Variants in COL5A1 observed in about 807,000 individuals in gnomAD.
COL5A1 encodes the protein collagen type V alpha 1 chain, also known as collagen alpha-1(V) chain.
In COL5A1, 16 loss-of-function variants were observed where a neutral mutation model predicts 263.7. That is an observed-to-expected ratio of 0.06 (90% confidence interval 0.04 to 0.09). The LOEUF (loss-of-function observed/expected upper bound fraction) is 0.09, where lower values mean the gene tolerates loss of function less well. Ranked by LOEUF, COL5A1 falls within the 10% of genes least tolerant of loss-of-function variation. The pLI is 1.00. For synonymous variants in COL5A1, 1,012 were observed against 1,004.5 expected, an observed-to-expected ratio of 1.01 and a Z score of -0.14; for missense variants, 2,036 against 2,540.5, an observed-to-expected ratio of 0.80 and a Z score of 4.27.
chr9:134,730,604 AC>A, intron 7 of COL5A1, 129 bp downstream of exon 7: 1 of 1,328,376 alleles, frequency 7.5e-7, no homozygotes, highest in Non-Finnish European at 1.1e-6. Context: ...CCTGTGTTCC[AC>A]CACACCCTGG....
intron 20 of COL5A1, among the ~76,000 whole-genome samples, 169 bp downstream of exon 20, chr9:134,763,906 C>A (rs1240167701): frequency 2.0e-5 from 3 of 151,668 alleles, no homozygotes; most frequent in African/African-American, 7.3e-5. Flanking sequence ...AGAGAGGAGG[C>A]ACAGGCGAGG....
chr9:134,662,430 T>C (rs569175227), intron 1 of COL5A1, among the ~76,000 whole-genome samples: 35 of 152,268 alleles, frequency 2.3e-4, no homozygotes, highest in Non-Finnish European at 4.0e-4. Context: ...TGGGAAGCTC[T>C]GAAGCCTGTG....
At position 134,801,968 on chromosome 9, in the gene COL5A1, G is replaced by A. The variant is rs1838131061; in HGVS notation, c.2967G>A (p.Lys989=). ...GQRGETGFQG[K]TGPPGPPGVV... is the part of the protein sequence containing the mutation. ...TCTCTTCACAGGGTTTCCAAGGCAA[G>A]ACCGGCCCTCCAGGCCCCCCCGGCG... Residue 989 remains lysine (K), a synonymous_variant, in exon 38 of 66, where the codon AAG becomes AAA. Coordinates refer to ENST00000371817, the MANE Select transcript of COL5A1 (RefSeq NM_000093.5). The A allele has an allele frequency of 1.2e-6, 2 of 1,613,276 alleles. No individual in the cohort carries two copies. The highest frequency in any genetic ancestry group is 3.3e-5 in the Admixed American group (2 of 60,008).
chr9:134,836,792 G>A (rs1281333801), intron 65 of COL5A1, among the ~76,000 whole-genome samples: 1 of 152,222 alleles, frequency 6.6e-6, no homozygotes, highest in East Asian at 1.9e-4. Flanking sequence ...TGTCTCCCAG[G>A]GCCATCCCGC....
intron 4 of COL5A1, among the ~76,000 whole-genome samples, chr9:134,708,022 C>A (rs1297847547): frequency 2.6e-5 from 4 of 152,218 alleles, no homozygotes; most frequent in Non-Finnish European, 5.9e-5. Context: ...CCTCGCCAGA[C>A]CTTCCCTGGG....
Position 134,700,009 on chromosome 9 carries a change from G to T in COL5A1, c.378G>T (p.Gln126His), listed in dbSNP as rs145178917. 1.7e-3 allele frequency: 2,756 copies of T among 1,613,802 alleles called. 22 individuals carry two copies. The East Asian group carries it at 0.034, about 20-fold the overall frequency. ...LVSIYNEQGI[Q>H]QIGLELGRSP... ...CCATCTACAACGAGCAGGGTATCCA[G>T]CAGATTGGGCTGGAGCTGGGCCGCT... The change falls in exon 3 of 66, where the codon CAG (glutamine) becomes CAT (histidine). Residue 126 changes from glutamine (Q) to histidine (H), a missense_variant. Around this residue, in one of 3 missense-constraint regions of COL5A1, gnomAD observed 600 missense variants for 634.5 expected, o/e 0.95. Coordinates refer to ENST00000371817, the MANE Select transcript of COL5A1 (RefSeq NM_000093.5). The surrounding 1 kb of genome is among the most constrained non-coding windows in gnomAD (Gnocchi z 4.0).
intron 32 of COL5A1, among the ~76,000 whole-genome samples, chr9:134,791,417 C>T (rs1357636370): frequency 6.6e-6 from 1 of 152,238 alleles, no homozygotes; most frequent in Non-Finnish European, 1.5e-5. Context: ...TGAGCACAGC[C>T]TTTGCCCGCA....
At chr9:134,688,424 C>T (rs932322788) in intron 1 of COL5A1, among the ~76,000 whole-genome samples, 2 of 152,248 alleles carry the variant, frequency 1.3e-5, no homozygotes, top group Non-Finnish European at 2.9e-5. Flanking sequence ...CTGGCGCATC[C>T]TCTCTTTCCA....
chr9:134,782,015 T>A (rs6537949), intron 28 of COL5A1, among the ~76,000 whole-genome samples: 7 of 152,252 alleles, frequency 4.6e-5, no homozygotes, highest in African/African-American at 1.4e-4. Context: ...TGCCCTCTGC[T>A]GAAGGATCTG....
intron 25 of COL5A1, among the ~76,000 whole-genome samples, 174 bp from the exon 26 acceptor site, chr9:134,772,616 G>A (rs1165839443): frequency 2.6e-5 from 4 of 152,368 alleles, no homozygotes; most frequent in East Asian, 1.9e-4. Context: ...GCTCGGGGAG[G>A]CCGGGCTGTG....
intron 61 of COL5A1, 33 bp from the exon 62 acceptor site, chr9:134,824,567 A>G (rs1376974893): frequency 2.4e-5 from 38 of 1,612,494 alleles, no homozygotes; most frequent in Non-Finnish European, 3.2e-5. Context: ...CCCATCCTCC[A>G]TCACCCACCG....
chr9:134,706,888 G>A (rs1459522575), intron 4 of COL5A1, among the ~76,000 whole-genome samples: 3 of 152,218 alleles, frequency 2.0e-5, no homozygotes, highest in Non-Finnish European at 2.9e-5. Context: ...TGTCCCTCCC[G>A]TGTGTGACAG....
rs1373226260 is a variant in COL5A1, at chr9:134,783,654, C to T, written c.2484+934C>T. 3.4e-4 allele frequency among the ~76,000 whole-genome samples: 52 copies of T among 152,160 alleles called. 1 individual carries two copies. Among genetic ancestry groups the T allele is most frequent in the Admixed American group, 3.4e-3 (52 of 15,286 alleles). On this transcript the variant is annotated intron_variant, in intron 29 of 65. Coordinates refer to ENST00000371817, the MANE Select transcript of COL5A1 (RefSeq NM_000093.5). ...CAGTCATCCCCCTGCAGCACCGGCT[C>T]GCAGGTGGCTTTCCAGAACAGGAAA...
intron 18 of COL5A1, among the ~76,000 whole-genome samples, chr9:134,759,543 G>A (rs1331816769): frequency 5.7e-5 from 6 of 104,994 alleles, no homozygotes; most frequent in East Asian, 3.8e-4. Context: ...CCACACATGC[G>A]CACACACACT....
intron 9 of COL5A1, 73 bp from the exon 10 acceptor site, chr9:134,738,401 T>C: frequency 6.4e-7 from 1 of 1,558,040 alleles, no homozygotes. Context: ...CTGAAGGCCG[T>C]CCACACCACT....
Position 134,754,235 on chromosome 9 carries a change from G to A in COL5A1, c.1774-38G>A, listed in dbSNP as rs375554729. On this transcript the variant is annotated intron_variant, in intron 15 of 65. Transcript: ENST00000371817. The surrounding 1 kb of genome is among the most constrained non-coding windows in gnomAD (Gnocchi z 4.3). ...CTTTGCTCTTTCTCCTGAGAAAGGC[G>A]GACTCGCCACTGACCCTTTGTCTCT... 3.9e-5 allele frequency: 62 copies of A among 1,607,358 alleles called. No individual in the cohort carries two copies. In the African/African-American group the frequency reaches 5.5e-4, roughly 14 times the overall value.
rs542430735 is a variant in COL5A1, at chr9:134,742,303, C to T, written c.1494+3495C>T. ...GTGGGGCCTGCCTTAAGAAACTCAC[C>T]GTCCAGTGAGGAAGAAAAGGCACAG... is the stretch of plus-strand genomic sequence containing the variant. On this transcript the variant is annotated intron_variant, in intron 11 of 65. Coordinates refer to ENST00000371817, the MANE Select transcript of COL5A1 (RefSeq NM_000093.5). The surrounding 1 kb of genome is among the most constrained non-coding windows in gnomAD (Gnocchi z 4.6). Among the ~76,000 whole-genome samples the T allele has an allele frequency of 6.6e-5, 10 of 151,552 alleles. No individual in the cohort carries two copies. Among genetic ancestry groups the T allele is most frequent in the East Asian group, 2.0e-4 (1 of 5,056 alleles).
intron 41 of COL5A1, 97 bp from the exon 42 acceptor site, chr9:134,806,090 AGT>A (rs1004298985): frequency 1.1e-6 from 1 of 877,228 alleles, no homozygotes; most frequent in Admixed American, 2.0e-5. Context: ...TGGGCTCTAG[AGT>A]GAGCAGGTAA....
Position 134,818,892 on chromosome 9 carries a change from C to G in COL5A1, c.4383C>G (p.Pro1461=). 2 of 1,612,970 alleles carry G rather than the reference C, an allele frequency of 1.2e-6. No individual in the cohort carries two copies. Among genetic ancestry groups the G allele is most frequent in the Non-Finnish European group, 1.7e-6 (2 of 1,179,684 alleles). The change falls in exon 56 of 66, where the codon CCC becomes CCG. Residue 1461 remains proline (P), a synonymous_variant. Coordinates refer to ENST00000371817, the MANE Select transcript of COL5A1 (RefSeq NM_000093.5). This position sits in a 1 kb window ranked among gnomAD's most constrained non-coding sequence, Gnocchi z 6.0. ...LPGSPGPDGP[P]GPMGPPGLPG... is the part of the protein sequence containing the mutation. Reference sequence around the variant, plus strand: ...GATCCCCAGGCCCGGACGGTCCCCCCGGCCCCATGGTGAGTCACATTCCTC... The same window carrying G: ...GATCCCCAGGCCCGGACGGTCCCCCGGGCCCCATGGTGAGTCACATTCCTC...
Sources: allele counts gnomAD v4.1 joint callset (sites outside exome capture counted in the v4.1 genomes callset), GRCh38; gene constraint gnomAD v4.1.1; regional missense constraint gnomAD v4.1.1; non-coding constraint Gnocchi (gnomAD v3.1); transcripts MANE v1.5; gene names NCBI Gene and HGNC (gene_info 2026-07-23, HGNC 2026-07-21).